Variants in CTNND2 observed in about 807,000 individuals in gnomAD.
CTNND2 encodes catenin delta 2, also known as catenin delta-2.
CTNND2 carries 22 observed loss-of-function variants against 144.4 expected under a neutral mutation model. The observed-to-expected ratio is 0.15, with a 90% confidence interval of 0.11 to 0.22. The LOEUF (loss-of-function observed/expected upper bound fraction) is 0.22. Ranked by LOEUF, CTNND2 falls within the 10% of genes least tolerant of loss-of-function variation. CTNND2 has a pLI of 1.00. For missense variants in CTNND2, 1,353 were observed against 1,618.8 expected (o/e 0.84, Z 2.82); for synonymous variants, 751 against 695.6 (o/e 1.08, Z -1.25).
chr5:11,662,022 CACAT>C (rs1783236934), intron 2 of CTNND2, among the ~76,000 whole-genome samples: 1 of 150,450 alleles, frequency 6.6e-6, no homozygotes, highest in African/African-American at 2.5e-5. Flanking sequence ...TATACACACA[CACAT>C]ATATACACAC....
chr5:11,243,178 A>C (rs915545705), intron 9 of CTNND2, among the ~76,000 whole-genome samples: 4 of 152,246 alleles, frequency 2.6e-5, no homozygotes, highest in Non-Finnish European at 5.9e-5. Flanking sequence ...CCCTTTCAAA[A>C]TAATTTCCTT....
intron 2 of CTNND2, among the ~76,000 whole-genome samples, chr5:11,726,569 T>C (rs1439284046): frequency 6.6e-6 from 1 of 152,170 alleles, no homozygotes; most frequent in African/African-American, 2.4e-5. Context: ...GGAAAATTCA[T>C]AAAAATTACT....
intron 9 of CTNND2, among the ~76,000 whole-genome samples, chr5:11,257,880 C>T (rs1275771462): frequency 6.6e-6 from 1 of 152,164 alleles, no homozygotes; most frequent in Non-Finnish European, 1.5e-5. Context: ...TGGTAAGGCA[C>T]CTGACAGTCT....
chr5:11,705,748 T>C (rs916864180), intron 2 of CTNND2, among the ~76,000 whole-genome samples: 3 of 152,214 alleles, frequency 2.0e-5, no homozygotes, highest in Non-Finnish European at 2.9e-5. Flanking sequence ...CCCTTGACTC[T>C]ATGGTGAACC....
At chr5:11,600,118 G>C (rs1413167817) in intron 2 of CTNND2, among the ~76,000 whole-genome samples, 1 of 152,102 alleles carries the variant, frequency 6.6e-6, no homozygotes, top group Non-Finnish European at 1.5e-5. Flanking sequence ...ACCATCTAGA[G>C]TTTTCCTCAG....
chr5:11,575,523 C>T (rs1432181470), intron 2 of CTNND2, among the ~76,000 whole-genome samples: 6 of 152,030 alleles, frequency 3.9e-5, no homozygotes, highest in East Asian at 1.9e-4. Context: ...ATAACTAACC[C>T]GTTTTAGGAA....
intron 9 of CTNND2, among the ~76,000 whole-genome samples, chr5:11,257,659 A>T (rs1744409183): frequency 6.6e-6 from 1 of 152,166 alleles, no homozygotes; most frequent in African/African-American, 2.4e-5. Context: ...CTCCCAAGAC[A>T]CATGAGGAAT....
At chr5:10,981,939 G>A in intron 20 of CTNND2, 93 bp from the exon 21 acceptor site, 1 of 1,091,534 alleles carries the variant, frequency 9.2e-7, no homozygotes, top group Non-Finnish European at 1.4e-6. Flanking sequence ...CCCTAACAAA[G>A]CTTGTTTTCT....
intron 1 of CTNND2, 101 bp from the exon 2 acceptor site, chr5:11,732,373 C>G (rs1787440629): frequency 2.2e-5 from 25 of 1,149,726 alleles, no homozygotes; most frequent in Non-Finnish European, 2.8e-5. Flanking sequence ...AAAAGTAAAA[C>G]TATAAGCTGC....
At chr5:11,263,022 G>A (rs1439192713) in intron 9 of CTNND2, among the ~76,000 whole-genome samples, 1 of 152,056 alleles carries the variant, frequency 6.6e-6, no homozygotes, top group Non-Finnish European at 1.5e-5. Context: ...CATTTCAGAG[G>A]TGAAAGAAAA....
intron 16 of CTNND2, among the ~76,000 whole-genome samples, chr5:11,034,400 T>A (rs1743842102): frequency 1.3e-5 from 2 of 151,804 alleles, no homozygotes; most frequent in Admixed American, 1.3e-4. Flanking sequence ...TCCACAACAA[T>A]CTGTTACTGA....
chr5:11,673,123 T>G (rs1318235952), intron 2 of CTNND2, among the ~76,000 whole-genome samples: 1 of 152,142 alleles, frequency 6.6e-6, no homozygotes, highest in Non-Finnish European at 1.5e-5. Context: ...ACTTTAATAC[T>G]CATGGGTTTT....
At chr5:11,327,748 G>A (rs1752677837) in intron 9 of CTNND2, among the ~76,000 whole-genome samples, 2 of 152,126 alleles carry the variant, frequency 1.3e-5, no homozygotes, top group Admixed American at 6.5e-5. Flanking sequence ...TAAAATTGGT[G>A]ATTCAGACAT....
rs1753685782 is a variant in CTNND2 at position 11,117,553 on chromosome 5, G to T, written c.2174C>A (p.Ala725Asp). The T allele has an allele frequency of 6.2e-7, 1 of 1,613,808 alleles. No homozygotes were observed. The highest frequency in any genetic ancestry group is 8.5e-7 in the Non-Finnish European group (1 of 1,179,886). The change falls in exon 13 of 22, where the codon GCC (alanine) becomes GAC (aspartate). Residue 725 changes from alanine (A) to aspartate (D), a missense_variant. Transcript: ENST00000304623. ...ATGCLRNVSS[A>D]GEEARRRMRE... Reference sequence around the variant, plus strand: ...CATCCTTCTGCGGGCCTCCTCTCCGGCCGAACTAACATTCCTGCAAAGCAA... The same window carrying T: ...CATCCTTCTGCGGGCCTCCTCTCCGTCCGAACTAACATTCCTGCAAAGCAA...
intron 12 of CTNND2, among the ~76,000 whole-genome samples, chr5:11,129,199 TA>T (rs1755234817): frequency 2.3e-5 from 1 of 44,214 alleles, no homozygotes; most frequent in African/African-American, 8.1e-5. Context: ...ATATAATATA[TA>T]TTATATATTT....
chr5:11,901,919 C>T (rs1455600378), intron 1 of CTNND2, among the ~76,000 whole-genome samples: 1 of 152,176 alleles, frequency 6.6e-6, no homozygotes, highest in Admixed American at 6.5e-5. Flanking sequence ...TCATCTATTG[C>T]TTTTGAAAGA....
rs772970251 is a variant in CTNND2, at chr5:11,159,617, C to T, written c.2118G>A (p.Leu706=). The T allele has an allele frequency of 3.1e-6, 5 of 1,613,438 alleles. No homozygotes were observed. The highest frequency in any genetic ancestry group is 1.3e-5 in the African/African-American group (1 of 74,902). Residue 706 remains leucine (L), a synonymous_variant, in exon 12 of 22, where the codon CTG becomes CTA. Transcript: ENST00000304623. ...CGTTACGCAGCACCTGTGATGAATG[C>T]AGCTGTATTTTCCGATCATCCTGAA... ...SPLQDDRKIQ[L]HSSQVLRNAT... is the part of the protein sequence containing the mutation.
chr5:11,449,286 C>A (rs1428611593), intron 3 of CTNND2, among the ~76,000 whole-genome samples: 1 of 152,116 alleles, frequency 6.6e-6, no homozygotes, highest in East Asian at 1.9e-4. Context: ...ATTTCATTGT[C>A]CCTGTATTTG....
chr5:11,874,029 C>T (rs1167457418), intron 1 of CTNND2, among the ~76,000 whole-genome samples: 2 of 152,174 alleles, frequency 1.3e-5, no homozygotes, highest in Non-Finnish European at 2.9e-5. Context: ...CCCTACTATT[C>T]AGCAGTGAAT....
Sources: gnomAD v4.1 joint callset for allele counts (sites outside exome capture counted in the v4.1 genomes callset) on GRCh38, gnomAD v4.1.1 for gene constraint, MANE v1.5 for transcripts, NCBI Gene and HGNC (gene_info 2026-07-23, HGNC 2026-07-21) for gene names.